The following OR5B2 variants were observed in gnomAD, a reference collection of about 807,000 sequenced individuals.
OR5B2 encodes the protein olfactory receptor family 5 subfamily B member 2, also known as olfactory receptor 5B2.
For synonymous variants in OR5B2, 163 were observed against 140.8 expected (o/e 1.16, Z -1.11); for missense variants, 411 against 367.0 (o/e 1.12, Z -0.98).
chr11:58,427,724 A>G (rs1427818824), intron 1 of OR5B2, among the ~76,000 whole-genome samples: 1 of 152,166 alleles, frequency 6.6e-6, no homozygotes, highest in Non-Finnish European at 1.5e-5. Flanking sequence ...CAGTCCCTCC[A>G]TATGTGAGAG....
At position 58,422,618 on chromosome 11, in the gene OR5B2, GAGATAA is replaced by G; in HGVS notation, c.638_643del (p.Phe213_Ile214del). ...GATGGTGATGAATATGAACAAGTAG[GAGATAA>G]AGATAACTAGAAGAACAAAAAAGAT... On this transcript the variant is annotated inframe_deletion, in exon 3 of 3. Coordinates refer to ENST00000641342, the MANE Select transcript of OR5B2 (RefSeq NM_001005566.3). The G allele has an allele frequency of 6.2e-7, 1 of 1,613,694 alleles. No individual in the cohort carries two copies.
In OR5B2 at chr11:58,421,348, T is replaced by A. The variant is rs944706096; in HGVS notation, c.*984A>T. The A allele has an allele frequency of 6.6e-6, 1 of 152,078 alleles. No individual in the cohort carries two copies. The highest frequency in any genetic ancestry group is 2.4e-5 in the African/African-American group (1 of 41,414). The allele number at this position is 152,078 out of a possible 1,614,324, so 9.4% of individuals were successfully genotyped here. A position where few individuals can be genotyped will look rare whatever the true frequency, so the allele number is the denominator to read the frequency against. ...CCACTTGACAATAGACAATATTCAG[T>A]GCTAAAATGAAATGAGCTATCAAGC... On this transcript the variant is annotated 3_prime_UTR_variant, in exon 3 of 3. Coordinates refer to ENST00000641342, the MANE Select transcript of OR5B2 (RefSeq NM_001005566.3).
Position 58,422,479 on chromosome 11 carries a change from G to T in OR5B2, c.783C>A (p.Ser261Arg). The T allele has an allele frequency of 6.2e-7, 1 of 1,613,738 alleles. No individual in the cohort carries two copies. ...TGTCTGTGTCCATGGAGTGGCTGGAGCTGGGCTGCAAGTAGATGAAGATTA... is the reference window on the plus strand; with the variant it reads ...TGTCTGTGTCCATGGAGTGGCTGGATCTGGGCTGCAAGTAGATGAAGATTA... ...GTVIFIYLQP[S>R]SSHSMDTDKM... The change falls in exon 3 of 3, where the codon AGC (serine) becomes AGA (arginine). Residue 261 changes from serine to arginine, a missense_variant. Transcript: ENST00000641342.
Position 58,423,258 on chromosome 11 carries a change from C to A in OR5B2, c.4G>T (p.Glu2Ter). The change falls in exon 3 of 3, where the codon GAG becomes TAG. Residue 2 changes from glutamate to a stop codon, truncating the protein, a stop_gained. Transcript: ENST00000641342. LOFTEE classifies it low-confidence loss of function (END_TRUNC). M[E>*]NCTEVTKFIL... is the part of the protein sequence containing the mutation. ...AACTTTGTCACTTCCGTACAATTCT[C>A]CATCAGTATTATCTGAGAAACTTAA... The A allele has an allele frequency of 6.3e-7, 1 of 1,575,250 alleles. No individual in the cohort carries two copies. Among genetic ancestry groups the A allele is most frequent in the Non-Finnish European group, 8.7e-7 (1 of 1,155,426 alleles).
At position 58,422,108 on chromosome 11, in the gene OR5B2, C is replaced by A; in HGVS notation, c.*224G>T. The A allele has an allele frequency of 2.5e-6, 1 of 397,466 alleles. No homozygotes were observed. Among genetic ancestry groups the A allele is most frequent in the Non-Finnish European group, 4.5e-6 (1 of 223,422 alleles). 24.6% of individuals were successfully genotyped at this position (397,466 alleles called of 1,614,324 possible). A position where few individuals can be genotyped will look rare whatever the true frequency, so the allele number is the denominator to read the frequency against. ...AATGTCATTAGTAAGTTTTGACCAG[C>A]AAGTTCCAAAAATTCTAACATTTCC... On this transcript the variant is annotated 3_prime_UTR_variant, in exon 3 of 3. Coordinates refer to ENST00000641342, the MANE Select transcript of OR5B2 (RefSeq NM_001005566.3).
chr11:58,423,353 A>G, intron 2 of OR5B2, 64 bp from the exon 3 acceptor site: 1 of 708,294 alleles, frequency 1.4e-6, no homozygotes, highest in Admixed American at 2.7e-5. Context: ...AAATATATAA[A>G]TACTATATGC....
Position 58,422,490 on chromosome 11 carries a change from A to G in OR5B2, c.772T>C (p.Leu258=), listed in dbSNP as rs1855286425. The G allele has an allele frequency of 2.5e-6, 4 of 1,613,770 alleles. No individual in the cohort carries two copies. The highest frequency in any genetic ancestry group is 3.4e-6 in the Non-Finnish European group (4 of 1,179,848). The part of the protein sequence containing the change: ...VFYGTVIFIY[L]QPSSSHSMDT... ...ATGGAGTGGCTGGAGCTGGGCTGCAAGTAGATGAAGATTACTGTCCCATAG... is the reference window on the plus strand; with the variant it reads ...ATGGAGTGGCTGGAGCTGGGCTGCAGGTAGATGAAGATTACTGTCCCATAG... The change falls in exon 3 of 3, where the codon TTG becomes CTG. Residue 258 remains leucine (L), a synonymous_variant. Coordinates refer to ENST00000641342, the MANE Select transcript of OR5B2 (RefSeq NM_001005566.3).
At chr11:58,427,417 G>T (rs944839021) in intron 1 of OR5B2, among the ~76,000 whole-genome samples, 1 of 152,120 alleles carries the variant, frequency 6.6e-6, no homozygotes, top group Non-Finnish European at 1.5e-5. Context: ...TGTAAGTTTC[G>T]TTGGCCGATG....
At chr11:58,424,803 T>C (rs1407746364) in intron 2 of OR5B2, among the ~76,000 whole-genome samples, 1 of 152,174 alleles carries the variant, frequency 6.6e-6, no homozygotes, top group Non-Finnish European at 1.5e-5. Context: ...CAAACTTAAA[T>C]CACATAATCA....
In OR5B2 at chr11:58,423,094, G is replaced by A. The variant is rs1855299178; in HGVS notation, c.168C>T (p.Pro56=). 1 of 1,613,670 alleles carries A rather than the reference G, an allele frequency of 6.2e-7. No individual in the cohort carries two copies. Among genetic ancestry groups the A allele is most frequent in the Non-Finnish European group, 8.5e-7 (1 of 1,179,774 alleles). ...ACAGGTTACTGAGGAAAAAGTACAT[G>A]GGGGTGTGGAGACAAGAGTCCATCA... is the stretch of plus-strand genomic sequence containing the variant. ...LILMDSCLHT[P]MYFFLSNLSL... Residue 56 remains proline (P), a synonymous_variant, in exon 3 of 3, where the codon CCC becomes CCT. Coordinates refer to ENST00000641342, the MANE Select transcript of OR5B2 (RefSeq NM_001005566.3).
At chr11:58,425,174 T>C (rs902827640) in intron 2 of OR5B2, among the ~76,000 whole-genome samples, 4 of 152,086 alleles carry the variant, frequency 2.6e-5, no homozygotes, top group Non-Finnish European at 4.4e-5. Context: ...AATTCACACT[T>C]CTGTTATTTT....
intron 2 of OR5B2, among the ~76,000 whole-genome samples, 190 bp from the exon 3 acceptor site, chr11:58,423,479 T>A (rs1855304757): frequency 6.6e-6 from 1 of 152,168 alleles, no homozygotes; most frequent in South Asian, 2.1e-4. Context: ...ATCCAGGGGA[T>A]CTTTATAAAT....
intron 2 of OR5B2, among the ~76,000 whole-genome samples, chr11:58,425,628 A>C (rs1194554445): frequency 6.6e-6 from 1 of 152,108 alleles, no homozygotes; most frequent in Admixed American, 6.6e-5. Flanking sequence ...TCTCTATGGC[A>C]AGGAAAGACA....
chr11:58,425,766 T>G (rs554607277), intron 2 of OR5B2, among the ~76,000 whole-genome samples: 1 of 152,256 alleles, frequency 6.6e-6, no homozygotes, highest in East Asian at 1.9e-4. Flanking sequence ...CATTAGCTCA[T>G]TTAGCATAAA....
chr11:58,424,854 T>C (rs2119941703), intron 2 of OR5B2, among the ~76,000 whole-genome samples: 1 of 152,226 alleles, frequency 6.6e-6, no homozygotes, highest in Admixed American at 6.5e-5. Flanking sequence ...TGTTAAGAAC[T>C]TTTTATATAA....
chr11:58,425,770 G>A (rs2119943322), intron 2 of OR5B2, among the ~76,000 whole-genome samples: 1 of 152,116 alleles, frequency 6.6e-6, no homozygotes, highest in East Asian at 1.9e-4. Context: ...AGCTCATTTA[G>A]CATAAAAAAA....
At chr11:58,424,191 A>G (rs576936167) in intron 2 of OR5B2, among the ~76,000 whole-genome samples, 1 of 152,322 alleles carries the variant, frequency 6.6e-6, no homozygotes, top group Admixed American at 6.5e-5. Context: ...CATTTTTACA[A>G]CAATAAACAA....
chr11:58,422,111 G>T lies in OR5B2; in HGVS notation c.*221C>A. The T allele has an allele frequency of 5.0e-6, 2 of 404,030 alleles. No homozygotes were observed. Among genetic ancestry groups the T allele is most frequent in the South Asian group, 5.6e-5 (1 of 17,772 alleles). 25.0% of individuals were successfully genotyped at this position (404,030 alleles called of 1,614,324 possible). A position where few individuals can be genotyped will look rare whatever the true frequency, so the allele number is the denominator to read the frequency against. ...GTCATTAGTAAGTTTTGACCAGCAA[G>T]TTCCAAAAATTCTAACATTTCCATT... On this transcript the variant is annotated 3_prime_UTR_variant, in exon 3 of 3. Transcript: ENST00000641342.
chr11:58,426,536 G>A (rs1298570374), intron 2 of OR5B2, 86 bp downstream of exon 2: 1 of 152,032 alleles, frequency 6.6e-6, no homozygotes, highest in Non-Finnish European at 1.5e-5. Flanking sequence ...TTACTCAATG[G>A]GAAAATGTTT....
Sources: gnomAD v4.1 joint callset for allele counts (sites outside exome capture counted in the v4.1 genomes callset) on GRCh38, gnomAD v4.1.1 for gene constraint, MANE v1.5 for transcripts, NCBI Gene and HGNC (gene_info 2026-07-23, HGNC 2026-07-21) for gene names.